Variants in C2orf42 observed in about 807,000 individuals in gnomAD.
The protein encoded by C2orf42 is chromosome 2 open reading frame 42.
Under a neutral mutation model 58.9 loss-of-function variants are expected in C2orf42, and 44 were observed. That is an observed-to-expected ratio of 0.75 (90% CI 0.59 to 0.96). C2orf42 has a LOEUF of 0.96. Ranked by LOEUF, C2orf42 falls within the 40% of genes least tolerant of loss-of-function variation. The probability of loss-of-function intolerance (pLI) is 0.00; values close to 1 mark genes in which losing one functional copy is unlikely to be tolerated. For missense variants in C2orf42, 630 were observed against 699.2 expected (o/e 0.90, Z 1.12); for synonymous variants, 239 against 265.4 (o/e 0.90, Z 0.97).
At chr2:70,172,400 G>A (rs1443241790) in intron 5 of C2orf42, among the ~76,000 whole-genome samples, 2 of 151,460 alleles carry the variant, frequency 1.3e-5, no homozygotes, top group African/African-American at 2.4e-5. Context: ...TCTTTATTCC[G>A]GGCACGGTGG....
At chr2:70,157,280 C>T (rs1163545572) in intron 9 of C2orf42, among the ~76,000 whole-genome samples, 1 of 151,540 alleles carries the variant, frequency 6.6e-6, no homozygotes, top group Admixed American at 6.6e-5. Context: ...TGGTGAAACC[C>T]CGTCTCTACT....
intron 8 of C2orf42, among the ~76,000 whole-genome samples, chr2:70,162,752 A>G (rs1673140298): frequency 6.6e-6 from 1 of 152,048 alleles, no homozygotes; most frequent in Non-Finnish European, 1.5e-5. Flanking sequence ...TATTATAGCC[A>G]CCATGCCTGG....
At chr2:70,155,570 G>A (rs913451942) in intron 9 of C2orf42, among the ~76,000 whole-genome samples, 2 of 151,938 alleles carry the variant, frequency 1.3e-5, no homozygotes, top group Non-Finnish European at 2.9e-5. Context: ...AGGCCAAAGC[G>A]GGTGGATCAC....
At chr2:70,178,835 G>C (rs1236604335) in intron 4 of C2orf42, among the ~76,000 whole-genome samples, 1 of 150,032 alleles carries the variant, frequency 6.7e-6, no homozygotes, top group Non-Finnish European at 1.5e-5. Flanking sequence ...GCTGATATGA[G>C]AATTGCTTGA....
At chr2:70,156,284 T>A (rs1462576106) in intron 9 of C2orf42, among the ~76,000 whole-genome samples, 1 of 152,092 alleles carries the variant, frequency 6.6e-6, no homozygotes, top group East Asian at 1.9e-4. Context: ...GGATAGACCA[T>A]TAAAATTAGA....
chr2:70,188,211 G>A (rs1249811021), intron 1 of C2orf42, among the ~76,000 whole-genome samples: 19 of 151,408 alleles, frequency 1.3e-4, no homozygotes, highest in Non-Finnish European at 2.1e-4. Flanking sequence ...TTTTTGAGAC[G>A]GAGTCTTGCT....
intron 4 of C2orf42, among the ~76,000 whole-genome samples, chr2:70,178,586 C>T (rs1007476901): frequency 8.6e-5 from 13 of 151,844 alleles, no homozygotes; most frequent in African/African-American, 3.1e-4. Context: ...CCAGCCTGGG[C>T]AACAGAGCGA....
At chr2:70,157,115 CT>C (rs772951255) in intron 9 of C2orf42, among the ~76,000 whole-genome samples, 1 of 152,090 alleles carries the variant, frequency 6.6e-6, no homozygotes, top group Non-Finnish European at 1.5e-5. Context: ...GGTAAAATGA[CT>C]CTTCTAGTCT....
At chr2:70,157,072 G>A (rs552445803) in intron 9 of C2orf42, among the ~76,000 whole-genome samples, 77 of 152,230 alleles carry the variant, frequency 5.1e-4, no homozygotes, top group Non-Finnish European at 9.4e-4. Flanking sequence ...AATATAAGAA[G>A]TCATTCAGGG....
intron 2 of C2orf42, chr2:70,182,278 T>C: frequency 3.8e-6 from 1 of 260,054 alleles, no homozygotes; most frequent in Non-Finnish European, 7.5e-6. Flanking sequence ...TTTTGTATTT[T>C]TAGTAGAGAT....
chr2:70,166,045 C>G (rs1673380047), intron 6 of C2orf42, among the ~76,000 whole-genome samples: 1 of 151,868 alleles, frequency 6.6e-6, no homozygotes, highest in African/African-American at 2.4e-5. Context: ...CGTGCACCAC[C>G]ACGCCTGGCT....
At chr2:70,168,479 G>A (rs1419487064) in intron 6 of C2orf42, among the ~76,000 whole-genome samples, 2 of 150,492 alleles carry the variant, frequency 1.3e-5, no homozygotes, top group Non-Finnish European at 3.0e-5. Flanking sequence ...TAGTAGAGAT[G>A]GGGTTTCACT....
chr2:70,172,301 C>A (rs988499493), intron 5 of C2orf42, among the ~76,000 whole-genome samples: 6 of 151,816 alleles, frequency 4.0e-5, no homozygotes, highest in Non-Finnish European at 5.9e-5. Context: ...TCTCAAGTTC[C>A]TCTCTTCTAA....
intron 6 of C2orf42, among the ~76,000 whole-genome samples, chr2:70,169,217 T>C (rs1673623232): frequency 6.6e-6 from 1 of 150,952 alleles, no homozygotes; most frequent in Admixed American, 6.7e-5. Context: ...AGAGTTAGAA[T>C]AGTCTCATAA....
Position 70,160,758 on chromosome 2 carries a change from G to A in C2orf42, c.1383C>T (p.Ile461=). 6.2e-7 allele frequency: 1 copy of A among 1,608,186 alleles called. No individual in the cohort carries two copies. Among genetic ancestry groups the A allele is most frequent in the East Asian group, 2.2e-5 (1 of 44,460 alleles). ...EMPLEITRSF[I]QNRDGTYELF... is the part of the protein sequence containing the mutation. ...GCTCATAAGTCCCATCTCGGTTCTGGATAAAGCTACGGGTGATTTCCAAGG... is the reference window on the plus strand; with the variant it reads ...GCTCATAAGTCCCATCTCGGTTCTGAATAAAGCTACGGGTGATTTCCAAGG... Residue 461 remains isoleucine (I), a synonymous_variant, in exon 9 of 10, where the codon ATC becomes ATT. Transcript: ENST00000264434.
intron 3 of C2orf42, among the ~76,000 whole-genome samples, chr2:70,180,248 C>A (rs546376561): frequency 6.6e-6 from 1 of 150,700 alleles, no homozygotes; most frequent in Non-Finnish European, 1.5e-5. Flanking sequence ...GCTGAGATTG[C>A]GCCATTGCAT....
chr2:70,168,389 G>A (rs528322139), intron 6 of C2orf42, among the ~76,000 whole-genome samples: 10 of 148,666 alleles, frequency 6.7e-5, no homozygotes, highest in Admixed American at 4.8e-4. Flanking sequence ...CTGGGTTCAC[G>A]CCATTCTCCT....
At chr2:70,174,452 A>G (rs1179589243) in intron 5 of C2orf42, among the ~76,000 whole-genome samples, 1 of 152,238 alleles carries the variant, frequency 6.6e-6, no homozygotes, top group African/African-American at 2.4e-5. Flanking sequence ...ACTATAGTAC[A>G]TCACAGTCAG....
rs1674587677 is a variant in C2orf42, at chr2:70,181,720, A to T, written c.266T>A (p.Phe89Tyr). 6.2e-7 allele frequency: 1 copy of T among 1,614,188 alleles called. No homozygotes were observed. The highest frequency in any genetic ancestry group is 2.2e-5 in the East Asian group (1 of 44,888). ...QRDRGPDYRC[F>Y]VELGVSETTI... ...TGTCTCTGAAACCCCGAGCTCCACA[A>T]AGCATCGGTAATCAGGGCCCCGGTC... The change falls in exon 3 of 10, where the codon TTT becomes TAT. Residue 89 changes from phenylalanine (F) to tyrosine (Y), a missense_variant. Phe to Tyr is a conservative substitution (Grantham distance 22). Transcript: ENST00000264434.
Sources: allele counts gnomAD v4.1 joint callset (sites outside exome capture counted in the v4.1 genomes callset), GRCh38; gene constraint gnomAD v4.1.1; transcripts MANE v1.5; gene names NCBI Gene and HGNC (gene_info 2026-07-23, HGNC 2026-07-21).